Variants in ULBP3 observed in about 807,000 individuals in gnomAD.
The protein encoded by ULBP3 is UL16-binding protein 3.
In ULBP3, 25 loss-of-function variants were observed where a neutral mutation model predicts 24.9. That is an observed-to-expected ratio of 1.00 (90% CI 0.73 to 1.40). ULBP3 has a LOEUF of 1.40. Among genes scored for constraint, ULBP3 ranks in the 40% most tolerant of loss-of-function variants. The pLI is 0.00. For missense variants in ULBP3, 306 were observed against 307.5 expected (o/e 1.00, Z 0.04); for synonymous variants, 114 against 114.7 (o/e 0.99, Z 0.04).
chr6:150,066,285 G>A (rs1397486079), intron 1 of ULBP3, 123 bp from the exon 2 acceptor site: 6 of 1,141,728 alleles, frequency 5.3e-6, no homozygotes, highest in Admixed American at 2.5e-5. Context: ...CTTCCTGGAC[G>A]GTGGTCTCTG....
intron 1 of ULBP3, among the ~76,000 whole-genome samples, chr6:150,066,444 C>A (rs1243108075): frequency 6.6e-6 from 1 of 152,154 alleles, no homozygotes; most frequent in Non-Finnish European, 1.5e-5. Flanking sequence ...CAGGAGCAGC[C>A]CAGGTGGACT....
chr6:150,069,104 A>T lies in ULBP3; in HGVS notation c.-38T>A, dbSNP rs1016885596. On this transcript the variant is annotated 5_prime_UTR_variant, in exon 1 of 5. Transcript: ENST00000367339. ...GCGCCCGGGACACAAGGCGCAGTCG[A>T]TGTGGAGACCAGCGTATGAATCACT... 6.3e-7 allele frequency: 1 copy of T among 1,595,740 alleles called. No homozygotes were observed. The highest frequency in any genetic ancestry group is 8.5e-7 in the Non-Finnish European group (1 of 1,170,684).
At chr6:150,063,955 A>G (rs1317681623) in intron 4 of ULBP3, among the ~76,000 whole-genome samples, 2 of 152,170 alleles carry the variant, frequency 1.3e-5, no homozygotes, top group Non-Finnish European at 2.9e-5. Context: ...GCATCGTCCC[A>G]GGGCCTAGCC....
chr6:150,069,078 A>T lies in ULBP3; in HGVS notation c.-12T>A, dbSNP rs540238955. On this transcript the variant is annotated 5_prime_UTR_variant, in exon 1 of 5. Transcript: ENST00000367339. ...GCGGCCGCTGCCATTGTAGACCAGG[A>T]GCGCCCGGGACACAAGGCGCAGTCG... is the stretch of plus-strand genomic sequence containing the variant. 3.1e-6 allele frequency: 5 copies of T among 1,608,826 alleles called. No individual in the cohort carries two copies. The highest frequency in any genetic ancestry group is 1.3e-5 in the African/African-American group (1 of 74,862).
chr6:150,064,204 AT>A (rs1354305340), intron 4 of ULBP3, among the ~76,000 whole-genome samples: 7 of 152,150 alleles, frequency 4.6e-5, no homozygotes, highest in African/African-American at 1.7e-4. Flanking sequence ...TGAAGTGGCC[AT>A]GCTACTCCTC....
Position 150,062,898 on chromosome 6 carries a change from C to T in ULBP3, c.*476G>A, listed in dbSNP as rs181900050. 0.01 allele frequency among the ~76,000 whole-genome samples: 1,527 copies of T among 151,452 alleles called. 15 individuals carry two copies. The highest frequency in any genetic ancestry group is 0.02 in the Middle Eastern group (6 of 294). On this transcript the variant is annotated 3_prime_UTR_variant, in exon 5 of 5. Transcript: ENST00000367339. ...CAGGTGGATCATGAGGTCAGGAGAT[C>T]GAGACCATCCTGGCTAACAAGGTGA... is the stretch of plus-strand genomic sequence containing the variant.
intron 1 of ULBP3, among the ~76,000 whole-genome samples, chr6:150,067,485 C>A (rs1036060709): frequency 6.6e-6 from 1 of 152,214 alleles, no homozygotes; most frequent in African/African-American, 2.4e-5. Context: ...GCATTTGGGG[C>A]AAAGTAACAG....
At chr6:150,065,778 C>T (rs1776337342) in intron 2 of ULBP3, 105 bp from the exon 3 acceptor site, 6 of 1,579,422 alleles carry the variant, frequency 3.8e-6, no homozygotes, top group Admixed American at 1.7e-5. Context: ...TTGTCTCCTC[C>T]AAGTCCTGCC....
intron 3 of ULBP3, 141 bp downstream of exon 3, chr6:150,065,253 TCAAA>T (rs1300225718): frequency 1.7e-6 from 2 of 1,209,338 alleles, no homozygotes; most frequent in African/African-American, 1.5e-5. Context: ...TTACACTCAC[TCAAA>T]CACACACTCA....
intron 4 of ULBP3, 44 bp from the exon 5 acceptor site, chr6:150,063,395 C>G: frequency 1.0e-6 from 1 of 964,660 alleles, no homozygotes; most frequent in Non-Finnish European, 1.2e-6. Context: ...TGAGAAAAAC[C>G]TGGGTCTGTT....
rs370610702 is a variant in ULBP3 at position 150,064,557 on chromosome 6, G to A, written c.*22+28C>T. The A allele has an allele frequency of 8.1e-5, 129 of 1,591,862 alleles. No homozygotes were observed. In the African/African-American group the frequency reaches 9.9e-4, roughly 12 times the overall value. On this transcript the variant is annotated intron_variant, in intron 4 of 4. Coordinates refer to ENST00000367339, the MANE Select transcript of ULBP3 (RefSeq NM_024518.3). ...CTCCCACCTCACCCATCTGTCTCTC[G>A]TTCCCCTCACAGTTTTGCCCACAGT...
intron 1 of ULBP3, among the ~76,000 whole-genome samples, chr6:150,068,142 A>AC (rs1015322239): frequency 8.6e-5 from 13 of 151,340 alleles, no homozygotes; most frequent in East Asian, 2.0e-4. Flanking sequence ...ACATGGCTAC[A>AC]CCCCCCCACC....
chr6:150,068,852 A>G, intron 1 of ULBP3, 127 bp downstream of exon 1: 2 of 1,000,056 alleles, frequency 2.0e-6, no homozygotes, highest in Non-Finnish European at 2.8e-6. Flanking sequence ...ATCGGAACTG[A>G]GCGTGGGGGC....
At position 150,063,355 on chromosome 6, in the gene ULBP3, G is replaced by A; in HGVS notation, c.*23-4C>T. Reference sequence around the variant, plus strand: ...GCTTCTTGATATCACCTTCCACCTTGAGGAAAGATGAAGCATTGGTTTAAG... The same window carrying A: ...GCTTCTTGATATCACCTTCCACCTTAAGGAAAGATGAAGCATTGGTTTAAG... On this transcript the variant is annotated splice_region_variant and splice_polypyrimidine_tract_variant and intron_variant, in intron 4 of 4. Transcript: ENST00000367339. 1 of 979,008 alleles carries A rather than the reference G, an allele frequency of 1.0e-6. No individual in the cohort carries two copies. The allele number at this position is 979,008 out of a possible 1,614,324, so 60.6% of individuals were successfully genotyped here.
chr6:150,065,897 A>G lies in ULBP3; in HGVS notation c.352+2T>C, dbSNP rs1433559789. 3 of 1,613,790 alleles carry G rather than the reference A, an allele frequency of 1.9e-6. No homozygotes were observed. Among genetic ancestry groups the G allele is most frequent in the Non-Finnish European group, 2.5e-6 (3 of 1,179,970 alleles). ...CTTCTGTCCTTGGTCTCTTTCACTCACCACTGGGTGTGAAATCCTCCAGCT... is the reference window on the plus strand; with the variant it reads ...CTTCTGTCCTTGGTCTCTTTCACTCGCCACTGGGTGTGAAATCCTCCAGCT... On this transcript the variant is annotated splice_donor_variant, in intron 2 of 4. Transcript: ENST00000367339. LOFTEE classifies it high-confidence loss of function.
intron 1 of ULBP3, 135 bp downstream of exon 1, chr6:150,068,844 C>G: frequency 1.1e-6 from 1 of 913,722 alleles, no homozygotes; most frequent in Non-Finnish European, 1.5e-6. Context: ...AGCAGCGAAT[C>G]GGAACTGAGC....
rs774204649 is a variant in ULBP3 at position 150,062,292 on chromosome 6, C to A, written c.*1082G>T. ...GTTTTTAGTGTCTTCTTCATGAAAT[C>A]TTTGCCAGGCCCTATGTCCACATTG... On this transcript the variant is annotated 3_prime_UTR_variant, in exon 5 of 5. Transcript: ENST00000367339. 4.0e-4 allele frequency among the ~76,000 whole-genome samples: 61 copies of A among 152,172 alleles called. 1 individual carries two copies. Among genetic ancestry groups the A allele is most frequent in the Non-Finnish European group, 8.2e-4 (56 of 68,020 alleles).
chr6:150,068,963 C>A lies in ULBP3; in HGVS notation c.88+16G>T. The A allele has an allele frequency of 6.3e-7, 1 of 1,592,816 alleles. No individual in the cohort carries two copies. Among genetic ancestry groups the A allele is most frequent in the South Asian group, 1.1e-5 (1 of 88,628 alleles). On this transcript the variant is annotated intron_variant, in intron 1 of 4. Coordinates refer to ENST00000367339, the MANE Select transcript of ULBP3 (RefSeq NM_024518.3). ...GTTTGGCCCCCGCCCCGCTTAGGCT[C>A]CATCCCCGAACTCACCGGCCCGCCC...
At chr6:150,064,743 T>C (rs1562519748) in intron 3 of ULBP3, 30 bp from the exon 4 acceptor site, 2 of 1,610,084 alleles carry the variant, frequency 1.2e-6, no homozygotes, top group Middle Eastern at 1.7e-4. Flanking sequence ...GTGACAACTC[T>C]TGTCCACGCT....
Sources: gnomAD v4.1 joint callset for allele counts (sites outside exome capture counted in the v4.1 genomes callset) on GRCh38, gnomAD v4.1.1 for gene constraint, MANE v1.5 for transcripts, NCBI Gene and HGNC (gene_info 2026-07-23, HGNC 2026-07-21) for gene names.